Variants in MDN1 observed in about 807,000 individuals in gnomAD.
MDN1 encodes the protein midasin.
In MDN1, 266 loss-of-function variants were observed where a neutral mutation model predicts 669.2. The observed-to-expected ratio is 0.40, with a 90% confidence interval of 0.36 to 0.44. MDN1 has a LOEUF of 0.44. Ranked by LOEUF, MDN1 falls within the 20% of genes least tolerant of loss-of-function variation. The probability of loss-of-function intolerance (pLI) is 1.00; values close to 1 mark genes in which losing one functional copy is unlikely to be tolerated. For synonymous variants in MDN1, 2,385 were observed against 2,457.1 expected (o/e 0.97, Z 0.87); for missense variants, 5,940 against 6,754.0 (o/e 0.88, Z 4.22).
intron 86 of MDN1, 104 bp from the exon 87 acceptor site, chr6:89,662,343 TCC>T: frequency 8.5e-7 from 1 of 1,183,156 alleles, no homozygotes; most frequent in South Asian, 1.6e-5. Flanking sequence ...ATTGGACCTA[TCC>T]CATGGATGGC....
intron 5 of MDN1, among the ~76,000 whole-genome samples, chr6:89,792,693 A>G (rs1175565029): frequency 1.3e-5 from 2 of 148,832 alleles, no homozygotes; most frequent in African/African-American, 5.0e-5. Flanking sequence ...TTTTTTTACT[A>G]CTACTGACCA....
intron 99 of MDN1, 127 bp downstream of exon 99, chr6:89,647,905 A>G: frequency 1.4e-6 from 1 of 711,158 alleles, no homozygotes; most frequent in Non-Finnish European, 2.4e-6. Context: ...GTGAGCTATG[A>G]TGGCGCCATT....
chr6:89,695,580 T>C lies in MDN1; in HGVS notation c.9771+25A>G. The C allele has an allele frequency of 6.4e-7, 1 of 1,558,368 alleles. No individual in the cohort carries two copies. The highest frequency in any genetic ancestry group is 1.2e-5 in the South Asian group (1 of 82,860). On this transcript the variant is annotated intron_variant, in intron 61 of 101. Coordinates refer to ENST00000369393, the MANE Select transcript of MDN1 (RefSeq NM_014611.3). This position sits in a 1 kb window ranked among gnomAD's most constrained non-coding sequence, Gnocchi z 4.1. Reference sequence around the variant, plus strand: ...CCCAGCACGTCAGGGAAGGAGCCCATGCTCCATACTCTTGCCTCCCATACC... The same window carrying C: ...CCCAGCACGTCAGGGAAGGAGCCCACGCTCCATACTCTTGCCTCCCATACC...
At chr6:89,795,152 G>A (rs559145771) in intron 2 of MDN1, among the ~76,000 whole-genome samples, 4 of 152,194 alleles carry the variant, frequency 2.6e-5, no homozygotes, top group African/African-American at 7.2e-5. Flanking sequence ...AAAATCGGGG[G>A]GTACTTAATG....
At chr6:89,728,535 T>C (rs904536935) in intron 36 of MDN1, among the ~76,000 whole-genome samples, 1 of 152,180 alleles carries the variant, frequency 6.6e-6, no homozygotes. Context: ...TGATATGAAA[T>C]ATCTGAGGAT....
chr6:89,727,819 A>C lies in MDN1; in HGVS notation c.5472+14T>G. The C allele has an allele frequency of 6.2e-7, 1 of 1,609,012 alleles. No individual in the cohort carries two copies. Among genetic ancestry groups the C allele is most frequent in the Non-Finnish European group, 8.5e-7 (1 of 1,177,132 alleles). On this transcript the variant is annotated intron_variant, in intron 37 of 101. Coordinates refer to ENST00000369393, the MANE Select transcript of MDN1 (RefSeq NM_014611.3). ...CATGATCACCGTCTTGGGCATGACA[A>C]ACAGGCCCCTCACCTCATCCAACAC...
rs759265310 is a variant in MDN1 at position 89,754,142 on chromosome 6, G to A, written c.2905C>T (p.Arg969Trp). 29 of 1,614,110 alleles carry A rather than the reference G, an allele frequency of 1.8e-5. No homozygotes were observed. The highest frequency in any genetic ancestry group is 2.7e-5 in the African/African-American group (2 of 75,026). The part of the protein sequence containing the change: ...RPHYSLRTLC[R>W]ALRFAASNPC... ...TTGGAGGCTGCAAATCGCAGGGCCC[G>A]GCACAGAGTCCGAAGGCTGTAGTGA... Residue 969 changes from arginine (R) to tryptophan (W), a missense_variant, in exon 21 of 102, where the codon CGG becomes TGG. Arg to Trp is a moderately radical substitution (Grantham distance 101). Coordinates refer to ENST00000369393, the MANE Select transcript of MDN1 (RefSeq NM_014611.3).
rs1221463326 is a variant in MDN1, at chr6:89,690,777, C to G, written c.10645G>C (p.Glu3549Gln). 1.2e-6 allele frequency: 2 copies of G among 1,614,040 alleles called. No individual in the cohort carries two copies. The highest frequency in any genetic ancestry group is 2.7e-5 in the African/African-American group (2 of 74,916). ...ERIAQEKAEQ[E>Q]SGLYRYRSRN... is the part of the protein sequence containing the mutation. ...CTCCTGTATCTATACAGGCCGCTTT[C>G]CTGCTCAGCCTTCTCTTGGGCTATG... The change falls in exon 64 of 102, where the codon GAA becomes CAA. Residue 3549 changes from glutamate (E) to glutamine (Q), a missense_variant. Glu to Gln is a conservative substitution (Grantham distance 29). Around this residue, in one of 5 missense-constraint regions of MDN1, gnomAD observed 2,280 missense variants for 2,576.3 expected, o/e 0.88. Transcript: ENST00000369393.
At chr6:89,738,218 A>G (rs1320870566) in intron 33 of MDN1, 108 bp downstream of exon 33, 18 of 1,286,796 alleles carry the variant, frequency 1.4e-5, no homozygotes, top group Non-Finnish European at 1.9e-5. Flanking sequence ...CTTTCTTCTT[A>G]TAACACACCA....
intron 43 of MDN1, among the ~76,000 whole-genome samples, chr6:89,717,592 T>C (rs1333927941): frequency 6.6e-6 from 1 of 152,214 alleles, no homozygotes; most frequent in Non-Finnish European, 1.5e-5. Flanking sequence ...TTTAAAAATA[T>C]ATGACACATG....
intron 95 of MDN1, 45 bp from the exon 96 acceptor site, chr6:89,650,892 C>T (rs1562033364): frequency 2.0e-6 from 3 of 1,523,414 alleles, no homozygotes; most frequent in Non-Finnish European, 2.7e-6. Flanking sequence ...ATGTCAGAGC[C>T]AACCAAGTCT....
In MDN1 at chr6:89,655,786, G is replaced by A. The variant is rs369754670; in HGVS notation, c.15468C>T (p.Asp5156=). Residue 5156 remains aspartate (D), a synonymous_variant, in exon 92 of 102, where the codon GAC becomes GAT. Coordinates refer to ENST00000369393, the MANE Select transcript of MDN1 (RefSeq NM_014611.3). ...TACCATAGGTCTGTGCATCGTATGC[G>A]TCACTGCCTTGTTTAATGTGCTCGA... is the stretch of plus-strand genomic sequence containing the variant. The part of the protein sequence containing the change: ...DAFEHIKQGS[D]AYDAQTYDVA... 703 of 1,610,652 alleles carry A rather than the reference G, an allele frequency of 4.4e-4. No individual in the cohort carries two copies. The highest frequency in any genetic ancestry group is 6.4e-4 in the Admixed American group (38 of 59,502).
At chr6:89,696,774 A>G (rs1228271950) in intron 59 of MDN1, among the ~76,000 whole-genome samples, 200 bp from the exon 60 acceptor site, 4 of 152,200 alleles carry the variant, frequency 2.6e-5, no homozygotes, top group Non-Finnish European at 5.9e-5. Context: ...GAAATGAGCA[A>G]TGGATGCTTT....
At chr6:89,778,931 T>TAAATAAAA (rs1157670433) in intron 11 of MDN1, among the ~76,000 whole-genome samples, 9 of 137,986 alleles carry the variant, frequency 6.5e-5, no homozygotes, top group Non-Finnish European at 1.2e-4. Flanking sequence ...AATAAATAAA[T>TAAATAAAA]AAAAAAAAAG....
intron 46 of MDN1, 111 bp from the exon 47 acceptor site, chr6:89,713,407 T>C: frequency 1.0e-6 from 1 of 954,250 alleles, no homozygotes; most frequent in East Asian, 2.4e-5. Context: ...CCCACCCAAA[T>C]ACTTACTTTA....
At chr6:89,773,876 A>C (rs1818227577) in intron 13 of MDN1, among the ~76,000 whole-genome samples, 1 of 152,084 alleles carries the variant, frequency 6.6e-6, no homozygotes, top group African/African-American at 2.4e-5. Flanking sequence ...GAGGCAGGAG[A>C]ATCGCTTGAA....
rs372275054 is a variant in MDN1 at position 89,770,456 on chromosome 6, C to T, written c.2144+1105G>A. On this transcript the variant is annotated intron_variant, in intron 15 of 101. Coordinates refer to ENST00000369393, the MANE Select transcript of MDN1 (RefSeq NM_014611.3). ...ATATACAGCAGTATAGACATGTCTG[C>T]TTAAATGAAAAATCATATATATTAA... 3.3e-5 allele frequency among the ~76,000 whole-genome samples: 5 copies of T among 151,422 alleles called. No homozygotes were observed. The East Asian group carries it at 7.7e-4, about 23-fold the overall frequency.
At chr6:89,673,627 G>A (rs1434784206) in intron 79 of MDN1, 165 bp from the exon 80 acceptor site, 1 of 602,438 alleles carries the variant, frequency 1.7e-6, no homozygotes, top group Non-Finnish European at 2.9e-6. Flanking sequence ...CTGAGTAACA[G>A]AGGACTGAAG....
chr6:89,665,085 G>A (rs946478442), intron 84 of MDN1, among the ~76,000 whole-genome samples: 1 of 152,064 alleles, frequency 6.6e-6, no homozygotes, highest in Non-Finnish European at 1.5e-5. Context: ...CTGGAGTACA[G>A]TGGCACAATC....
Sources: gnomAD v4.1 joint callset for allele counts (sites outside exome capture counted in the v4.1 genomes callset) on GRCh38, gnomAD v4.1.1 for gene constraint, gnomAD v4.1.1 regional missense constraint, Gnocchi (gnomAD v3.1) non-coding constraint, MANE v1.5 for transcripts, NCBI Gene and HGNC (gene_info 2026-07-23, HGNC 2026-07-21) for gene names.